Variants in FAM135B observed in about 807,000 individuals in gnomAD.
FAM135B encodes the protein protein FAM135B.
FAM135B carries 43 observed loss-of-function variants against 127.7 expected under a neutral mutation model. That is an observed-to-expected ratio of 0.34 (90% confidence interval 0.26 to 0.43). The LOEUF (loss-of-function observed/expected upper bound fraction) is 0.43, where lower values mean the gene tolerates loss of function less well. Among genes scored for constraint, FAM135B ranks in the 20% least tolerant of loss-of-function variants. The pLI is 1.00. For synonymous variants in FAM135B, 670 were observed against 665.1 expected (o/e 1.01, Z -0.11); for missense variants, 1,558 against 1,725.6 (o/e 0.90, Z 1.72).
At chr8:138,477,292 C>T (rs1814529891) in intron 1 of FAM135B, 1 of 152,218 alleles carries the variant, frequency 6.6e-6, no homozygotes. Flanking sequence ...ATCTCTTTTC[C>T]CTGAGCTTTC....
intron 1 of FAM135B, among the ~76,000 whole-genome samples, chr8:138,451,680 AT>A (rs1294313112): frequency 6.6e-6 from 1 of 152,222 alleles, no homozygotes; most frequent in African/African-American, 2.4e-5. Flanking sequence ...ATGTTTACTG[AT>A]CTTTAAATGA....
chr8:138,452,403 G>C (rs1836544732), intron 1 of FAM135B, among the ~76,000 whole-genome samples: 1 of 151,990 alleles, frequency 6.6e-6, no homozygotes. Flanking sequence ...TTACAGGCAT[G>C]AGCCACCTCG....
chr8:138,189,504 A>T, intron 9 of FAM135B, among the ~76,000 whole-genome samples: 1 of 152,236 alleles, frequency 6.6e-6, no homozygotes, highest in East Asian at 1.9e-4. Context: ...TGAGCTGTTA[A>T]CACTTAAGCC....
chr8:138,257,885 T>TAAA (rs201675673), intron 4 of FAM135B, among the ~76,000 whole-genome samples: 4 of 85,782 alleles, frequency 4.7e-5, no homozygotes, highest in South Asian at 3.6e-4. Context: ...AAATAAAAAA[T>TAAA]AAAAAAAAAA....
chr8:138,334,895 A>G (rs1370029729), intron 2 of FAM135B, among the ~76,000 whole-genome samples: 2 of 152,190 alleles, frequency 1.3e-5, no homozygotes, highest in Admixed American at 6.5e-5. Context: ...TCAATTGTTC[A>G]TAAGCAATCA....
chr8:138,167,772 G>T, intron 12 of FAM135B, 123 bp downstream of exon 12: 1 of 1,144,596 alleles, frequency 8.7e-7, no homozygotes, highest in Non-Finnish European at 1.2e-6. Context: ...TCCTCTCTAT[G>T]AACTGACATA....
At chr8:138,302,482 G>C (rs1018700714) in intron 3 of FAM135B, among the ~76,000 whole-genome samples, 2 of 152,150 alleles carry the variant, frequency 1.3e-5, no homozygotes, top group Non-Finnish European at 2.9e-5. Flanking sequence ...GCTAACCAGG[G>C]GACCCTGGAG....
rs553375161 is a variant in FAM135B, at chr8:138,390,378, T to C, written c.-19-22376A>G. ...TAAGGGGAAACCCCTTTTTGCTTGG[T>C]TCTCATTCTCTCTTGTCTGCCGTCA... On this transcript the variant is annotated intron_variant, in intron 1 of 19. Transcript: ENST00000395297. Among the ~76,000 whole-genome samples the C allele has an allele frequency of 5.3e-5, 8 of 152,230 alleles. No individual in the cohort carries two copies. The South Asian group carries it at 6.2e-4, about 12-fold the overall frequency.
chr8:138,325,204 T>C (rs910995568), intron 2 of FAM135B, among the ~76,000 whole-genome samples: 9 of 152,174 alleles, frequency 5.9e-5, no homozygotes, highest in African/African-American at 2.2e-4. Flanking sequence ...AGGCACTTAA[T>C]AAACATTTGT....
chr8:138,491,096 G>A (rs551472729), intron 1 of FAM135B, among the ~76,000 whole-genome samples: 3 of 148,148 alleles, frequency 2.0e-5, no homozygotes, highest in Admixed American at 1.4e-4. Flanking sequence ...AGCCGAGATC[G>A]TGCCATTGCA....
At chr8:138,270,669 G>A (rs554798086) in intron 3 of FAM135B, among the ~76,000 whole-genome samples, 1 of 152,354 alleles carries the variant, frequency 6.6e-6, no homozygotes, top group South Asian at 2.1e-4. Flanking sequence ...CATTGCAAAA[G>A]GCAGAAAGGC....
intron 7 of FAM135B, among the ~76,000 whole-genome samples, chr8:138,211,818 A>C (rs1818164351): frequency 6.6e-6 from 1 of 152,180 alleles, no homozygotes; most frequent in Non-Finnish European, 1.5e-5. Context: ...CTGTAATCCC[A>C]GCACTTTGGG....
chr8:138,396,274 T>C (rs1832848211), intron 1 of FAM135B, among the ~76,000 whole-genome samples: 1 of 152,132 alleles, frequency 6.6e-6, no homozygotes, highest in Non-Finnish European at 1.5e-5. Flanking sequence ...AGCAAAGCAG[T>C]GGCCAGCGTG....
At chr8:138,245,127 A>C (rs1335996964) in intron 6 of FAM135B, among the ~76,000 whole-genome samples, 1 of 152,190 alleles carries the variant, frequency 6.6e-6, no homozygotes, top group Non-Finnish European at 1.5e-5. Flanking sequence ...ACCCTGAAGA[A>C]GTCTAGCCCT....
chr8:138,365,152 C>G (rs776392738), intron 2 of FAM135B, among the ~76,000 whole-genome samples: 3 of 152,080 alleles, frequency 2.0e-5, no homozygotes, highest in Non-Finnish European at 2.9e-5. Flanking sequence ...TGGCTGATCA[C>G]GTAGCATTTT....
At chr8:138,465,520 C>T (rs1425562170) in intron 1 of FAM135B, among the ~76,000 whole-genome samples, 1 of 152,210 alleles carries the variant, frequency 6.6e-6, no homozygotes, top group Admixed American at 6.5e-5. Context: ...CGTGCCCATG[C>T]ATGCTTTCTC....
rs534709678 is a variant in FAM135B, at chr8:138,196,428, T to C, written c.823+1088A>G. Among the ~76,000 whole-genome samples the C allele has an allele frequency of 7.2e-5, 11 of 152,330 alleles. No individual in the cohort carries two copies. In the South Asian group the frequency reaches 2.1e-3, roughly 29 times the overall value. Reference sequence around the variant, plus strand: ...GGCTCCAGATTCAATTCAACAACTATAACCCTGTACCTACTCCTTTACTCT... The same window carrying C: ...GGCTCCAGATTCAATTCAACAACTACAACCCTGTACCTACTCCTTTACTCT... On this transcript the variant is annotated intron_variant, in intron 8 of 19. Transcript: ENST00000395297.
chr8:138,301,461 T>G (rs1024309830), intron 3 of FAM135B, among the ~76,000 whole-genome samples: 24 of 152,198 alleles, frequency 1.6e-4, no homozygotes, highest in African/African-American at 5.8e-4. Context: ...AACAGCCTAT[T>G]TTGCCTGGCC....
At chr8:138,345,681 C>T (rs113434522) in intron 2 of FAM135B, among the ~76,000 whole-genome samples, 13 of 152,306 alleles carry the variant, frequency 8.5e-5, no homozygotes, top group South Asian at 2.1e-4. Context: ...AGCCATGTGG[C>T]GACGACAATG....
Sources: allele counts gnomAD v4.1 joint callset (sites outside exome capture counted in the v4.1 genomes callset), GRCh38; gene constraint gnomAD v4.1.1; transcripts MANE v1.5; gene names NCBI Gene and HGNC (gene_info 2026-07-23, HGNC 2026-07-21).